The following RIOK2 variants were observed in gnomAD, a reference collection of about 807,000 sequenced individuals.
RIOK2 encodes RIO kinase 2.
A neutral mutation model predicts 62.4 loss-of-function variants in RIOK2; 46 were observed. That is an observed-to-expected ratio of 0.74 (90% confidence interval 0.58 to 0.94). The LOEUF (loss-of-function observed/expected upper bound fraction) is 0.94. Among genes scored for constraint, RIOK2 ranks in the 40% least tolerant of loss-of-function variants. The probability of loss-of-function intolerance (pLI) is 0.00; values close to 1 mark genes in which losing one functional copy is unlikely to be tolerated. For synonymous variants in RIOK2, 197 were observed against 216.0 expected (o/e 0.91, Z 0.77); for missense variants, 574 against 658.0 (o/e 0.87, Z 1.40).
intron 4 of RIOK2, among the ~76,000 whole-genome samples, chr5:97,174,930 T>C (rs1368432087): frequency 2.6e-5 from 4 of 151,862 alleles, no homozygotes; most frequent in Non-Finnish European, 5.9e-5. Flanking sequence ...TGGTAGCACA[T>C]GCCTGTGATC....
At position 97,170,652 on chromosome 5, in the gene RIOK2, T is replaced by C. The variant is rs563670486; in HGVS notation, c.779+554A>G. Reference sequence around the variant, plus strand: ...TTCCATGGCTAAGAAAATTTGACTTTTGAACGTCTGTCAATTTACAACAGA... The same window carrying C: ...TTCCATGGCTAAGAAAATTTGACTTCTGAACGTCTGTCAATTTACAACAGA... On this transcript the variant is annotated intron_variant, in intron 6 of 9. Transcript: ENST00000283109. Among the ~76,000 whole-genome samples the C allele has an allele frequency of 4.6e-5, 7 of 152,322 alleles. No individual in the cohort carries two copies. In the East Asian group the frequency reaches 9.6e-4, roughly 21 times the overall value.
rs796805080 is a variant in RIOK2, at chr5:97,182,789, G to A, written c.66+337C>T. 78 of 223,980 alleles carry A rather than the reference G, an allele frequency of 3.5e-4. 3 individuals carry two copies. The highest frequency in any genetic ancestry group is 2.1e-3 in the Admixed American group (38 of 18,178). The allele number at this position is 223,980 out of a possible 1,614,324, so 13.9% of individuals were successfully genotyped here. A position where few individuals can be genotyped will look rare whatever the true frequency, so the allele number is the denominator to read the frequency against. On this transcript the variant is annotated intron_variant, in intron 1 of 9. Coordinates refer to ENST00000283109, the MANE Select transcript of RIOK2 (RefSeq NM_018343.3). ...ATATTATCAAATCTCGGGGGGGGGG[G>A]GGGGCTTAAACCTTTCACAGCTGGT...
intron 9 of RIOK2, among the ~76,000 whole-genome samples, chr5:97,163,435 TA>T (rs1561514573): frequency 6.6e-6 from 1 of 152,210 alleles, no homozygotes; most frequent in African/African-American, 2.4e-5. Context: ...GCAGAATTTT[TA>T]AAAAATTACC....
chr5:97,168,133 T>G (rs1580267789), intron 7 of RIOK2, 142 bp from the exon 8 acceptor site: 1 of 805,586 alleles, frequency 1.2e-6, no homozygotes. Flanking sequence ...CCCTAAAATG[T>G]AATATTTAAA....
At position 97,179,993 on chromosome 5, in the gene RIOK2, A is replaced by ATATATATATAT. The variant is rs1285282497; in HGVS notation, c.67-811_67-801dup. 6.2e-5 allele frequency among the ~76,000 whole-genome samples: 3 copies of ATATATATATAT among 48,190 alleles called. 1 individual carries two copies. The highest frequency in any genetic ancestry group is 3.0e-4 in the African/African-American group (3 of 9,972). 31.6% of individuals were successfully genotyped at this position (48,190 alleles called of 152,430 possible). On this transcript the variant is annotated intron_variant, in intron 1 of 9. Coordinates refer to ENST00000283109, the MANE Select transcript of RIOK2 (RefSeq NM_018343.3). ...TATATATATAATATATATATATAAA[A>ATATATATATAT]TATATATATATTATATATATATAAT...
chr5:97,180,007 T>TAATATATATATATA lies in RIOK2; in HGVS notation c.67-815_67-814insTATATATATATATT, dbSNP rs1554083537. ...ATATATATAAAATATATATATATTA[T>TAATATATATATATA]ATATATATAATATATATATAATATA... On this transcript the variant is annotated intron_variant, in intron 1 of 9. Coordinates refer to ENST00000283109, the MANE Select transcript of RIOK2 (RefSeq NM_018343.3). Among the ~76,000 whole-genome samples the TAATATATATATATA allele has an allele frequency of 6.9e-5, 4 of 57,872 alleles. 1 individual carries two copies. The highest frequency in any genetic ancestry group is 2.6e-4 in the African/African-American group (4 of 15,186). The allele number at this position is 57,872 out of a possible 152,430, so 38.0% of individuals were successfully genotyped here.
rs552936647 is a variant in RIOK2 at position 97,164,227 on chromosome 5, G to A, written c.1494+824C>T. On this transcript the variant is annotated intron_variant, in intron 9 of 9. Coordinates refer to ENST00000283109, the MANE Select transcript of RIOK2 (RefSeq NM_018343.3). ...TATATCCAAGTACAAATGGCTGGGC[G>A]CAGTGGCTCACGCCTGAAATCCCAG... Among the ~76,000 whole-genome samples, 7 of 151,916 alleles carry A rather than the reference G, an allele frequency of 4.6e-5. No homozygotes were observed. The East Asian group carries it at 5.9e-4, about 13-fold the overall frequency.
chr5:97,165,100 A>G lies in RIOK2; in HGVS notation c.1445T>C (p.Leu482Pro). The change falls in exon 9 of 10, where the codon CTG becomes CCG. Residue 482 changes from leucine to proline, a missense_variant. Coordinates refer to ENST00000283109, the MANE Select transcript of RIOK2 (RefSeq NM_018343.3). ...AGCACTGCCTGAAGAAGTGATACTC[A>G]GAGTTCTTGTTCTATACTGATTCAT... ...GAMNQYRTRT[L>P]SITSSGSAVS... The G allele has an allele frequency of 6.3e-7, 1 of 1,584,426 alleles. No homozygotes were observed.
In RIOK2 at chr5:97,163,030, T is replaced by C; in HGVS notation, c.*31A>G. ...AAGGAATTACAGTAACTTTAAAAAATATATTAAACATATCCAAGATCCTAA... is the reference window on the plus strand; with the variant it reads ...AAGGAATTACAGTAACTTTAAAAAACATATTAAACATATCCAAGATCCTAA... On this transcript the variant is annotated 3_prime_UTR_variant, in exon 10 of 10. Transcript: ENST00000283109. 2 of 1,548,424 alleles carry C rather than the reference T, an allele frequency of 1.3e-6. No homozygotes were observed. The highest frequency in any genetic ancestry group is 1.8e-6 in the Non-Finnish European group (2 of 1,142,400).
At position 97,163,147 on chromosome 5, in the gene RIOK2, C is replaced by T; in HGVS notation, c.1573G>A (p.Glu525Lys). 6.2e-7 allele frequency: 1 copy of T among 1,613,648 alleles called. No individual in the cohort carries two copies. Residue 525 changes from glutamate (E) to lysine (K), a missense_variant, in exon 10 of 10, where the codon GAA (glutamate) becomes AAA (lysine). Coordinates refer to ENST00000283109, the MANE Select transcript of RIOK2 (RefSeq NM_018343.3). ...SAVRRRLQKG[E>K]ANIFTKQRRE... ...CGTTGCTTGGTAAATATATTTGCTT[C>T]TCCTTTCTGCAATCGACGTCTGACA... is the stretch of plus-strand genomic sequence containing the variant.
At chr5:97,180,003 ATT>A (rs1491338762) in intron 1 of RIOK2, among the ~76,000 whole-genome samples, 52 of 56,082 alleles carry the variant, frequency 9.3e-4, no homozygotes, top group East Asian at 1.7e-3. Flanking sequence ...ATATATATAT[ATT>A]ATATATATAT....
At chr5:97,176,673 A>G (rs1234309682) in intron 4 of RIOK2, among the ~76,000 whole-genome samples, 1 of 152,178 alleles carries the variant, frequency 6.6e-6, no homozygotes, top group Non-Finnish European at 1.5e-5. Context: ...AAATCTATAA[A>G]TGTTTGTTCC....
chr5:97,177,894 ACAAC>A, intron 2 of RIOK2, 46 bp from the exon 3 acceptor site: 1 of 1,196,858 alleles, frequency 8.4e-7, no homozygotes, highest in Non-Finnish European at 1.2e-6. Flanking sequence ...GTTACATTGT[ACAAC>A]CAAGTCACGT....
intron 3 of RIOK2, 25 bp from the exon 4 acceptor site, chr5:97,177,316 CCA>C (rs1295697426): frequency 6.3e-7 from 1 of 1,580,010 alleles, no homozygotes; most frequent in Non-Finnish European, 8.6e-7. Flanking sequence ...TCAAAAACAA[CCA>C]TTATTACACG....
chr5:97,169,857 C>T (rs1748950737), intron 6 of RIOK2, among the ~76,000 whole-genome samples: 1 of 152,170 alleles, frequency 6.6e-6, no homozygotes, highest in Non-Finnish European at 1.5e-5. Flanking sequence ...ATCTGTCACA[C>T]TCTGGAGGCT....
chr5:97,171,118 G>A (rs1157989713), intron 6 of RIOK2, 88 bp downstream of exon 6: 8 of 901,516 alleles, frequency 8.9e-6, no homozygotes, highest in East Asian at 3.2e-5. Flanking sequence ...CCGAGATCGC[G>A]CCATTGCACT....
Position 97,167,468 on chromosome 5 carries a change from T to C in RIOK2, c.1396A>G (p.Arg466Gly), listed in dbSNP as rs754512093. 1 of 1,613,656 alleles carries C rather than the reference T, an allele frequency of 6.2e-7. No homozygotes were observed. Among genetic ancestry groups the C allele is most frequent in the Non-Finnish European group, 8.5e-7 (1 of 1,179,820 alleles). Reference protein sequence around the residue: ...SSLNREFRPFRDEENVGAMNQ... With the variant: ...SSLNREFRPFGDEENVGAMNQ... ...AAAGCAATCGACAGAAGTCTATACC[T>C]GAAAGGCCTGAATTCTCTATTTAAT... Residue 466 changes from arginine (R) to glycine (G), a missense_variant and splice_region_variant, in exon 8 of 10, where the codon AGA becomes GGA. Arg to Gly is a moderately radical substitution (Grantham distance 125). Coordinates refer to ENST00000283109, the MANE Select transcript of RIOK2 (RefSeq NM_018343.3).
At chr5:97,173,492 T>C (rs1426121267) in intron 4 of RIOK2, among the ~76,000 whole-genome samples, 2 of 152,172 alleles carry the variant, frequency 1.3e-5, no homozygotes, top group African/African-American at 4.8e-5. Context: ...CCACAAAAAA[T>C]GAACATTTAC....
intron 9 of RIOK2, among the ~76,000 whole-genome samples, chr5:97,164,659 C>T (rs536031229): frequency 2.6e-5 from 4 of 152,186 alleles, no homozygotes; most frequent in Non-Finnish European, 5.9e-5. Flanking sequence ...TGAAGAATGA[C>T]TCATCCACCT....
Sources: gnomAD v4.1 joint callset for allele counts (sites outside exome capture counted in the v4.1 genomes callset) on GRCh38, gnomAD v4.1.1 for gene constraint, MANE v1.5 for transcripts, NCBI Gene and HGNC (gene_info 2026-07-23, HGNC 2026-07-21) for gene names.